GALC: variants seen among roughly 807,000 people sequenced by gnomAD.
The protein encoded by GALC is galactocerebrosidase.
GALC carries 77 observed loss-of-function variants against 91.8 expected under a neutral mutation model. The ratio of observed to expected loss-of-function variants is 0.84; its 90% CI spans 0.70 to 1.01. The LOEUF (loss-of-function observed/expected upper bound fraction) is 1.01. Among genes scored for constraint, GALC ranks in the 50% least tolerant of loss-of-function variants. GALC has a pLI of 0.00. For missense variants in GALC, 882 were observed against 855.9 expected, an observed-to-expected ratio of 1.03 and a Z score of -0.38; for synonymous variants, 357 against 306.7, an observed-to-expected ratio of 1.16 and a Z score of -1.71.
At chr14:87,954,287 A>G (rs1885427707) in intron 10 of GALC, 1 of 1,554,104 alleles carries the variant, frequency 6.4e-7, no homozygotes, top group South Asian at 1.1e-5. Context: ...ACACAATACT[A>G]AGAGTTGTTG....
chr14:87,934,027 G>C lies in GALC; in HGVS notation c.*705C>G. 6.5e-7 allele frequency: 1 copy of C among 1,534,062 alleles called. No individual in the cohort carries two copies. Among genetic ancestry groups the C allele is most frequent in the Non-Finnish European group, 8.7e-7 (1 of 1,145,740 alleles). ...GGAAAAACGTTCACAGAGAGTTATA[G>C]TGGTTACAAGACCAAAACTTGGAAT... On this transcript the variant is annotated 3_prime_UTR_variant, in exon 17 of 17. Coordinates refer to ENST00000261304, the MANE Select transcript of GALC (RefSeq NM_000153.4).
chr14:87,956,560 C>CATAT (rs557652790), intron 10 of GALC, among the ~76,000 whole-genome samples: 1 of 131,438 alleles, frequency 7.6e-6, no homozygotes, highest in Non-Finnish European at 1.6e-5. Flanking sequence ...ATACACGCAC[C>CATAT]ATATATATAT....
intron 9 of GALC, among the ~76,000 whole-genome samples, chr14:87,964,700 T>C (rs1348507563): frequency 6.6e-6 from 1 of 152,174 alleles, no homozygotes; most frequent in Non-Finnish European, 1.5e-5. Context: ...CTCTGAGCTA[T>C]GTAAATTATG....
intron 1 of GALC, chr14:87,992,382 T>G: frequency 6.5e-7 from 1 of 1,535,672 alleles, no homozygotes; most frequent in Non-Finnish European, 8.7e-7. Context: ...ATCTTCCTTT[T>G]AAAGAGACCT....
intron 13 of GALC, among the ~76,000 whole-genome samples, chr14:87,947,254 C>G (rs1476522065): frequency 2.0e-5 from 3 of 147,614 alleles, no homozygotes; most frequent in Non-Finnish European, 4.5e-5. Context: ...GACAGATCTT[C>G]CTAGAAAACC....
rs1884429664 is a variant in GALC at position 87,933,120 on chromosome 14, A to G, written c.*1612T>C. 1 of 152,188 alleles carries G rather than the reference A, an allele frequency of 6.6e-6. No individual in the cohort carries two copies. 9.4% of individuals were successfully genotyped at this position (152,188 alleles called of 1,614,324 possible). A position where few individuals can be genotyped will look rare whatever the true frequency, so the allele number is the denominator to read the frequency against. ...ACTCTTCAGAAATAAGAAGGAACAA[A>G]CCACTGAATCACACAACATGGACAA... is the stretch of plus-strand genomic sequence containing the variant. On this transcript the variant is annotated 3_prime_UTR_variant, in exon 17 of 17. Transcript: ENST00000261304.
At chr14:87,974,529 A>C (rs746515070) in intron 7 of GALC, among the ~76,000 whole-genome samples, 2 of 152,156 alleles carry the variant, frequency 1.3e-5, no homozygotes, top group Non-Finnish European at 2.9e-5. Context: ...CCACTAACAT[A>C]AGGAAACAAA....
rs370750373 is a variant in GALC at position 87,949,885 on chromosome 14, G to A, written c.1298C>T (p.Thr433Ile). 6.4e-5 allele frequency: 102 copies of A among 1,599,018 alleles called. 1 individual carries two copies. Among genetic ancestry groups the A allele is most frequent in the Non-Finnish European group, 8.6e-5 (100 of 1,167,196 alleles). ...CTGCTTAAAAAGAAATCTTTCGGAT[G>A]TTTTTCCAAGTTTGGTATACCATAC... ...LQVWYTKLGK[T>I]SERFLFKQLD... The change falls in exon 12 of 17, where the codon ACA becomes ATA. Residue 433 changes from threonine (T) to isoleucine (I), a missense_variant. Coordinates refer to ENST00000261304, the MANE Select transcript of GALC (RefSeq NM_000153.4).
At position 87,986,503 on chromosome 14, in the gene GALC, T is replaced by C. The variant is rs753623482; in HGVS notation, c.428A>G (p.Asn143Ser). 4.4e-6 allele frequency: 7 copies of C among 1,595,814 alleles called. No homozygotes were observed. Among genetic ancestry groups the C allele is most frequent in the East Asian group, 2.2e-5 (1 of 44,794 alleles). ...LMKEAKKRNPNITLIGLPWSF... is the reference protein window; with the variant it reads ...LMKEAKKRNPSITLIGLPWSF... ...TCATTTCTTACCAATGAGTGTAATA[T>C]TGGGATTCCTCTTCTTAGCTTCTTT... The change falls in exon 4 of 17, where the codon AAT (asparagine) becomes AGT (serine). Residue 143 changes from asparagine (N) to serine (S), a missense_variant. By Grantham distance (46) the Asn-to-Ser change is conservative (BLOSUM62 1). Transcript: ENST00000261304.
intron 3 of GALC, chr14:87,987,692 G>A (rs1403399090): frequency 6.2e-6 from 1 of 161,656 alleles, no homozygotes; most frequent in African/African-American, 2.4e-5. Flanking sequence ...AATCAAAATA[G>A]TGACAATGAA....
intron 1 of GALC, 150 bp downstream of exon 1, chr14:87,992,820 C>T (rs1276648887): frequency 7.1e-7 from 1 of 1,403,912 alleles, no homozygotes. Context: ...AGCGGGCCCG[C>T]CCCAACCGCC....
chr14:87,939,769 T>C, intron 16 of GALC, 136 bp downstream of exon 16: 1 of 736,874 alleles, frequency 1.4e-6, no homozygotes, highest in East Asian at 2.6e-5. Flanking sequence ...GATGAGTGGC[T>C]TCCCGGCACC....
In GALC at chr14:87,941,425, T is replaced by A; in HGVS notation, c.1804A>T (p.Asn602Tyr). The change falls in exon 15 of 17, where the codon AAT becomes TAT. Residue 602 changes from asparagine (N) to tyrosine (Y), a missense_variant. Transcript: ENST00000261304. ...ARGIFFWIFA[N>Y]GSYRVTGDLA... ...TCACCTGTAACCCTGTAAGATCCAT[T>A]TGCAAAAATCCAGAAGAAAATTCCT... 1 of 1,609,242 alleles carries A rather than the reference T, an allele frequency of 6.2e-7. No homozygotes were observed. The highest frequency in any genetic ancestry group is 2.2e-5 in the East Asian group (1 of 44,764).
intron 8 of GALC, among the ~76,000 whole-genome samples, chr14:87,966,791 C>T (rs753859945): frequency 6.6e-6 from 1 of 152,134 alleles, no homozygotes; most frequent in African/African-American, 2.4e-5. Context: ...AGAAAATAGT[C>T]ATGGGCATAT....
chr14:87,960,071 A>C (rs181725792), intron 10 of GALC, among the ~76,000 whole-genome samples: 1 of 152,196 alleles, frequency 6.6e-6, no homozygotes, highest in East Asian at 1.9e-4. Context: ...GTAGAATTAA[A>C]AAAAAAGAAG....
At chr14:87,964,474 T>A (rs1192734701) in intron 9 of GALC, among the ~76,000 whole-genome samples, 1 of 152,144 alleles carries the variant, frequency 6.6e-6, no homozygotes, top group Non-Finnish European at 1.5e-5. Flanking sequence ...ACAAAAAAAC[T>A]GCAGAAAAGT....
chr14:87,974,872 T>A (rs981305347), intron 7 of GALC, among the ~76,000 whole-genome samples: 2 of 152,000 alleles, frequency 1.3e-5, no homozygotes, highest in Non-Finnish European at 2.9e-5. Context: ...ATTCATTACA[T>A]TAAAATACCT....
Position 87,988,130 on chromosome 14 carries a change from C to T in GALC, c.328+14G>A. ...ATGTTGATGGGAGAAATCCTATCTCCCAAATTCTCCTACCTGTTGTCTGCC... is the reference window on the plus strand; with the variant it reads ...ATGTTGATGGGAGAAATCCTATCTCTCAAATTCTCCTACCTGTTGTCTGCC... On this transcript the variant is annotated intron_variant, in intron 3 of 16. Transcript: ENST00000261304. 2.5e-6 allele frequency: 4 copies of T among 1,608,416 alleles called. No homozygotes were observed. The highest frequency in any genetic ancestry group is 3.4e-6 in the Non-Finnish European group (4 of 1,175,026).
chr14:87,946,449 T>TAC (rs1204458042), intron 13 of GALC, among the ~76,000 whole-genome samples: 2 of 152,056 alleles, frequency 1.3e-5, no homozygotes, highest in African/African-American at 4.8e-5. Context: ...TTGCATTCAT[T>TAC]ACCTCATTTG....
Sources: allele counts gnomAD v4.1 joint callset (sites outside exome capture counted in the v4.1 genomes callset), GRCh38; gene constraint gnomAD v4.1.1; transcripts MANE v1.5; gene names NCBI Gene and HGNC (gene_info 2026-07-23, HGNC 2026-07-21).